Variants in ZNF665 observed in about 807,000 individuals in gnomAD.
ZNF665 encodes zinc finger protein 665.
In ZNF665, 6 loss-of-function variants were observed where a neutral mutation model predicts 7.9. That is an observed-to-expected ratio of 0.76 (90% CI 0.42 to 1.50). The LOEUF (loss-of-function observed/expected upper bound fraction) is 1.50. ZNF665 is among the 40% of genes most tolerant of loss of function. The pLI is 0.01. For synonymous variants in ZNF665, 242 were observed against 274.5 expected (o/e 0.88, Z 1.17); for missense variants, 819 against 806.7 (o/e 1.02, Z -0.18).
chr19:53,182,402 T>G, intron 2 of ZNF665: 2 of 373,142 alleles, frequency 5.4e-6, no homozygotes, highest in East Asian at 4.8e-5. Context: ...GAGTTTGGAG[T>G]CAGAAACACA....
intron 1 of ZNF665, among the ~76,000 whole-genome samples, chr19:53,184,868 G>A (rs1252890981): frequency 2.6e-5 from 4 of 151,570 alleles, no homozygotes; most frequent in African/African-American, 4.8e-5. Flanking sequence ...GTAAGGTCAC[G>A]TGGGTCACGT....
intron 1 of ZNF665, among the ~76,000 whole-genome samples, chr19:53,192,745 G>A (rs1233028470): frequency 6.6e-6 from 1 of 152,140 alleles, no homozygotes; most frequent in Non-Finnish European, 1.5e-5. Flanking sequence ...GAGCTGGGCA[G>A]GCAAGAACAC....
rs759927437 is a variant in ZNF665, at chr19:53,164,762, G to A, written c.1728C>T (p.Gly576=). The part of the protein sequence containing the change: ...GEKPYKCNEC[G]KAFSVHSNLA... The stretch of plus-strand genomic sequence containing the variant: ...GGTTTGAATGTACACTAAATGCTTT[G>A]CCGCACTCATTACACTTATAAGGTT... Residue 576 remains glycine, a synonymous_variant, in exon 4 of 4, where the codon GGC becomes GGT. Coordinates refer to ENST00000396424, the MANE Select transcript of ZNF665 (RefSeq NM_024733.5). 6.2e-7 allele frequency: 1 copy of A among 1,614,156 alleles called. No individual in the cohort carries two copies. The highest frequency in any genetic ancestry group is 1.7e-5 in the Admixed American group (1 of 60,028).
rs375282602 is a variant in ZNF665 at position 53,165,561 on chromosome 19, C to A, written c.929G>T (p.Arg310Ile). The change falls in exon 4 of 4, where the codon AGA (arginine) becomes ATA (isoleucine). Residue 310 changes from arginine to isoleucine, a missense_variant. Arg to Ile is a moderately conservative substitution (Grantham distance 97). Coordinates refer to ENST00000396424, the MANE Select transcript of ZNF665 (RefSeq NM_024733.5). ...TQNSHLASHR[R>I]IHTGEKPYKC... ...GTAAGGCTTCTCCCCAGTATGAATT[C>A]TTCGATGACTTGCAAGGTGTGAATT... The A allele has an allele frequency of 1.2e-5, 19 of 1,614,002 alleles. No individual in the cohort carries two copies. Among genetic ancestry groups the A allele is most frequent in the Admixed American group, 1.7e-5 (1 of 59,984 alleles).
intron 3 of ZNF665, among the ~76,000 whole-genome samples, chr19:53,169,192 A>G (rs769579604): frequency 6.6e-6 from 1 of 152,172 alleles, no homozygotes; most frequent in Non-Finnish European, 1.5e-5. Flanking sequence ...TGGAATATAC[A>G]AAGAACTCTC....
chr19:53,189,966 CCTCA>C (rs2090804661), intron 1 of ZNF665, among the ~76,000 whole-genome samples: 1 of 152,182 alleles, frequency 6.6e-6, no homozygotes, highest in Non-Finnish European at 1.5e-5. Flanking sequence ...TCTGGTCACA[CCTCA>C]CTATGTCCCC....
chr19:53,165,719 A>T lies in ZNF665; in HGVS notation c.771T>A (p.Thr257=), dbSNP rs1229226181. ...SNLAGHQRIH[T]GEKPYKCNEC... The stretch of plus-strand genomic sequence containing the variant: ...CATTACACTTGTAAGGTTTCTCTCC[A>T]GTATGAATTCTCTGATGACCTGCAA... Residue 257 remains threonine (T), a synonymous_variant, in exon 4 of 4, where the codon ACT becomes ACA. Transcript: ENST00000396424. 1.2e-6 allele frequency: 2 copies of T among 1,614,066 alleles called. No homozygotes were observed. The highest frequency in any genetic ancestry group is 1.7e-6 in the Non-Finnish European group (2 of 1,180,048).
At chr19:53,189,925 C>T (rs542327374) in intron 1 of ZNF665, among the ~76,000 whole-genome samples, 91 of 152,244 alleles carry the variant, frequency 6.0e-4, no homozygotes, top group Non-Finnish European at 1.0e-3. Flanking sequence ...TGGCCCTGTC[C>T]GGGCATAACA....
chr19:53,175,338 G>T, intron 3 of ZNF665, 107 bp downstream of exon 3: 2 of 1,362,468 alleles, frequency 1.5e-6, no homozygotes, highest in Non-Finnish European at 2.0e-6. Context: ...GAGTCAACAG[G>T]ACATCAATCC....
intron 2 of ZNF665, among the ~76,000 whole-genome samples, chr19:53,176,938 G>A (rs983511740): frequency 2.0e-5 from 3 of 151,486 alleles, no homozygotes; most frequent in Non-Finnish European, 4.4e-5. Flanking sequence ...TGGCCAACAT[G>A]GCAAAACCCC....
chr19:53,164,528 G>A lies in ZNF665; in HGVS notation c.1962C>T (p.Tyr654=). 1 of 1,613,116 alleles carries A rather than the reference G, an allele frequency of 6.2e-7. No individual in the cohort carries two copies. The highest frequency in any genetic ancestry group is 8.5e-7 in the Non-Finnish European group (1 of 1,179,660). ...HMAVHTGDKP[Y]KCNQCGKVFT... Reference sequence around the variant, plus strand: ...AGACCTTGCCACATTGGTTACATTTGTAAGGTTTGTCTCCAGTATGGACTG... The same window carrying A: ...AGACCTTGCCACATTGGTTACATTTATAAGGTTTGTCTCCAGTATGGACTG... Residue 654 remains tyrosine, a synonymous_variant, in exon 4 of 4, where the codon TAC becomes TAT. Coordinates refer to ENST00000396424, the MANE Select transcript of ZNF665 (RefSeq NM_024733.5).
At chr19:53,182,496 G>A (rs983727725) in intron 2 of ZNF665, 11 of 521,614 alleles carry the variant, frequency 2.1e-5, no homozygotes, top group Middle Eastern at 1.0e-3. Context: ...ACAGCATTTC[G>A]TGGGTGCTTG....
At chr19:53,185,344 T>C (rs979046831) in intron 1 of ZNF665, among the ~76,000 whole-genome samples, 3 of 152,090 alleles carry the variant, frequency 2.0e-5, no homozygotes, top group Non-Finnish European at 4.4e-5. Context: ...TGTCCGGGCA[T>C]GACAGAGGGT....
At chr19:53,174,448 C>G (rs1202104072) in intron 3 of ZNF665, among the ~76,000 whole-genome samples, 2 of 152,144 alleles carry the variant, frequency 1.3e-5, no homozygotes, top group African/African-American at 4.8e-5. Flanking sequence ...TCCCAAAAAA[C>G]TCTCCCATTT....
At chr19:53,182,635 C>A in intron 2 of ZNF665, 1 of 827,730 alleles carries the variant, frequency 1.2e-6, no homozygotes. Context: ...ACCCTCACCC[C>A]GTCTCCATCC....
At chr19:53,177,395 C>T (rs1568661960) in intron 2 of ZNF665, among the ~76,000 whole-genome samples, 1 of 151,836 alleles carries the variant, frequency 6.6e-6, no homozygotes, top group Non-Finnish European at 1.5e-5. Context: ...GTCAGGAGTT[C>T]GAGACCAACC....
At chr19:53,173,407 G>A (rs11084221) in intron 3 of ZNF665, among the ~76,000 whole-genome samples, 68,461 of 125,226 alleles carry the variant, frequency 0.55, 20,531 homozygotes, top group South Asian at 0.72. Context: ...ATGGAGTCTC[G>A]TTCTGTCGCC....
intron 3 of ZNF665, among the ~76,000 whole-genome samples, chr19:53,170,931 T>A (rs981075820): frequency 6.6e-6 from 1 of 152,166 alleles, no homozygotes; most frequent in Non-Finnish European, 1.5e-5. Flanking sequence ...TCGATTAGAA[T>A]GTATCTTGTA....
rs372855271 is a variant in ZNF665 at position 53,171,524 on chromosome 19, A to ATATATATATTTTT, written c.142+3920_142+3921insAAAAATATATATA. 3.3e-3 allele frequency among the ~76,000 whole-genome samples: 230 copies of ATATATATATTTTT among 69,290 alleles called. 1 individual carries two copies. Among genetic ancestry groups the ATATATATATTTTT allele is most frequent in the Admixed American group, 4.9e-3 (22 of 4,488 alleles). The allele number at this position is 69,290 out of a possible 152,430, so 45.5% of individuals were successfully genotyped here. On this transcript the variant is annotated intron_variant, in intron 3 of 3. Coordinates refer to ENST00000396424, the MANE Select transcript of ZNF665 (RefSeq NM_024733.5). ...TGTGTGTATATATATATATATATAT[A>ATATATATATTTTT]TTTTTTTTTTTTTTTTCTTTTTTTA...
Sources: allele counts gnomAD v4.1 joint callset (sites outside exome capture counted in the v4.1 genomes callset), GRCh38; gene constraint gnomAD v4.1.1; transcripts MANE v1.5; gene names NCBI Gene and HGNC (gene_info 2026-07-23, HGNC 2026-07-21).